The following SPOCK1 variants were observed in gnomAD, a reference collection of about 807,000 sequenced individuals.
The protein encoded by SPOCK1 is testican-1.
A neutral mutation model predicts 55.3 loss-of-function variants in SPOCK1; 23 were observed. The ratio of observed to expected loss-of-function variants is 0.42; its 90% confidence interval spans 0.30 to 0.59. The LOEUF is 0.59. Among genes scored for constraint, SPOCK1 ranks in the 20% least tolerant of loss-of-function variants. SPOCK1 has a pLI of 0.22. For missense variants in SPOCK1, 499 were observed against 552.5 expected (o/e 0.90, Z 0.97); for synonymous variants, 226 against 221.0 (o/e 1.02, Z -0.20).
At chr5:137,244,892 G>GCAGA (rs1445866538) in intron 3 of SPOCK1, among the ~76,000 whole-genome samples, 11 of 152,188 alleles carry the variant, frequency 7.2e-5, no homozygotes, top group African/African-American at 2.4e-4. Flanking sequence ...GGTGGGGAGG[G>GCAGA]CAGACTCTTT....
intron 3 of SPOCK1, among the ~76,000 whole-genome samples, chr5:137,191,909 A>AATGAAAAAGTAAGCAGT (rs1255713472): frequency 6.6e-6 from 1 of 152,132 alleles, no homozygotes; most frequent in African/African-American, 2.4e-5. Context: ...GGAAACAAAT[A>AATGAAAAAGTAAGCAGT]ATGAAAAAGT....
At chr5:136,986,186 A>G (rs1750837601) in intron 8 of SPOCK1, among the ~76,000 whole-genome samples, 1 of 152,078 alleles carries the variant, frequency 6.6e-6, no homozygotes, top group African/African-American at 2.4e-5. Flanking sequence ...TTTCATCTGG[A>G]TTATAAAAGG....
chr5:137,063,202 C>T (rs1318748031), intron 6 of SPOCK1, among the ~76,000 whole-genome samples: 6 of 146,952 alleles, frequency 4.1e-5, no homozygotes, highest in Admixed American at 1.4e-4. Context: ...CACTGCAGTC[C>T]GCAGTCCGGC....
chr5:137,494,417 C>A (rs976986663), intron 2 of SPOCK1, among the ~76,000 whole-genome samples: 1 of 152,150 alleles, frequency 6.6e-6, no homozygotes, highest in East Asian at 1.9e-4. Context: ...TAGTTCCAGC[C>A]CCAGCTCCTC....
intron 3 of SPOCK1, among the ~76,000 whole-genome samples, chr5:137,196,374 T>C (rs1755299135): frequency 6.6e-6 from 1 of 152,214 alleles, no homozygotes; most frequent in Non-Finnish European, 1.5e-5. Flanking sequence ...GGGTTCCCAT[T>C]GCTGCTAGGA....
At chr5:137,156,790 G>T (rs1386837497) in intron 3 of SPOCK1, among the ~76,000 whole-genome samples, 2 of 152,064 alleles carry the variant, frequency 1.3e-5, no homozygotes, top group African/African-American at 4.8e-5. Context: ...ACCAGAATTT[G>T]CTCAAGCACC....
chr5:137,137,408 G>T (rs1754004200), intron 4 of SPOCK1, among the ~76,000 whole-genome samples: 1 of 152,184 alleles, frequency 6.6e-6, no homozygotes, highest in Non-Finnish European at 1.5e-5. Flanking sequence ...TTCTGGGAAG[G>T]TGTCCAAGAC....
At chr5:137,181,160 T>C (rs1754962536) in intron 3 of SPOCK1, among the ~76,000 whole-genome samples, 1 of 152,110 alleles carries the variant, frequency 6.6e-6, no homozygotes, top group African/African-American at 2.4e-5. Context: ...TAGTATCAAG[T>C]TGGGCACCGA....
rs149943431 is a variant in SPOCK1 at position 137,321,572 on chromosome 5, A to T, written c.187-54517T>A. ...AAACAGAGTAGGATGATATATTCAA[A>T]GTGATTAAAAAAGAAAAAAAAGGGC... On this transcript the variant is annotated intron_variant, in intron 2 of 10. Transcript: ENST00000394945. Among the ~76,000 whole-genome samples, 84 of 152,230 alleles carry T rather than the reference A, an allele frequency of 5.5e-4. No individual in the cohort carries two copies. The East Asian group carries it at 0.012, about 21-fold the overall frequency.
At chr5:137,416,304 A>T (rs1561529734) in intron 2 of SPOCK1, among the ~76,000 whole-genome samples, 1 of 151,964 alleles carries the variant, frequency 6.6e-6, no homozygotes. Flanking sequence ...GAAAAAAAAA[A>T]ATTAAATGCT....
In SPOCK1 at chr5:137,383,925, G is replaced by C. The variant is rs554883559; in HGVS notation, c.186+114448C>G. The stretch of plus-strand genomic sequence containing the variant: ...CCTCATCAGCCCAACCAAGGTCACT[G>C]TTCTTTCAAGGACCACAAAAGGCAC... On this transcript the variant is annotated intron_variant, in intron 2 of 10. Coordinates refer to ENST00000394945, the MANE Select transcript of SPOCK1 (RefSeq NM_004598.4). Among the ~76,000 whole-genome samples the C allele has an allele frequency of 2.6e-5, 4 of 152,314 alleles. No individual in the cohort carries two copies. In the South Asian group the frequency reaches 8.3e-4, roughly 32 times the overall value.
intron 3 of SPOCK1, among the ~76,000 whole-genome samples, chr5:137,220,535 C>T (rs566664130): frequency 2.6e-5 from 4 of 152,344 alleles, no homozygotes; most frequent in Non-Finnish European, 4.4e-5. Context: ...GAACAAACCA[C>T]ATCACATAGG....
rs1398551105 is a variant in SPOCK1, at chr5:137,144,292, G to T, written c.233-3598C>A. Among the ~76,000 whole-genome samples, 11 of 152,130 alleles carry T rather than the reference G, an allele frequency of 7.2e-5. No individual in the cohort carries two copies. The East Asian group carries it at 2.1e-3, about 30-fold the overall frequency. ...ACCCTACCTTAGGCTAACTCCTGTA[G>T]ACCACCCTCCACTTCTGGAAGCTAA... On this transcript the variant is annotated intron_variant, in intron 3 of 10. Coordinates refer to ENST00000394945, the MANE Select transcript of SPOCK1 (RefSeq NM_004598.4).
rs1475200759 is a variant in SPOCK1 at position 137,051,116 on chromosome 5, TG to T, written c.589+16598del. The stretch of plus-strand genomic sequence containing the variant: ...AAAAAATATGAAAAAGCGGATAACT[TG>T]TTAGGTGAAAAATGAATTATTGAGT... On this transcript the variant is annotated intron_variant, in intron 6 of 10. Transcript: ENST00000394945. Among the ~76,000 whole-genome samples, 5 of 152,318 alleles carry T rather than the reference TG, an allele frequency of 3.3e-5. No homozygotes were observed. The East Asian group carries it at 9.6e-4, about 29-fold the overall frequency.
At chr5:137,358,057 C>A (rs1274249671) in intron 2 of SPOCK1, among the ~76,000 whole-genome samples, 1 of 152,048 alleles carries the variant, frequency 6.6e-6, no homozygotes, top group Non-Finnish European at 1.5e-5. Context: ...AGGACTGTAC[C>A]AGTCACTGCA....
intron 5 of SPOCK1, among the ~76,000 whole-genome samples, chr5:137,071,518 G>A (rs1277744610): frequency 6.6e-6 from 1 of 152,056 alleles, no homozygotes; most frequent in East Asian, 1.9e-4. Context: ...AGATTCTGAG[G>A]CTTTTGTTCT....
chr5:137,432,074 G>T (rs1309335571), intron 2 of SPOCK1, among the ~76,000 whole-genome samples: 1 of 152,158 alleles, frequency 6.6e-6, no homozygotes, highest in Non-Finnish European at 1.5e-5. Flanking sequence ...CCCTTAGGAT[G>T]GTTATTACAT....
chr5:137,012,732 T>C (rs538055869), intron 6 of SPOCK1, among the ~76,000 whole-genome samples: 1 of 152,240 alleles, frequency 6.6e-6, no homozygotes, highest in African/African-American at 2.4e-5. Flanking sequence ...ACACTGAAAA[T>C]TATGACCTGT....
At chr5:137,348,387 T>G (rs1750604228) in intron 2 of SPOCK1, among the ~76,000 whole-genome samples, 1 of 146,054 alleles carries the variant, frequency 6.8e-6, no homozygotes, top group Non-Finnish European at 1.5e-5. Flanking sequence ...AGCAAGTGCA[T>G]GACCAAAATG....
Sources: allele counts gnomAD v4.1 joint callset (sites outside exome capture counted in the v4.1 genomes callset), GRCh38; gene constraint gnomAD v4.1.1; transcripts MANE v1.5; gene names NCBI Gene and HGNC (gene_info 2026-07-23, HGNC 2026-07-21).